Variants in EEPD1 observed in about 807,000 individuals in gnomAD.
EEPD1 encodes the protein endonuclease/exonuclease/phosphatase family domain-containing protein 1.
A neutral mutation model predicts 46.3 loss-of-function variants in EEPD1; 17 were observed. That is an observed-to-expected ratio of 0.37 (90% CI 0.25 to 0.55). The LOEUF (loss-of-function observed/expected upper bound fraction) is 0.55, where lower values mean the gene tolerates loss of function less well. Among genes scored for constraint, EEPD1 ranks in the 20% least tolerant of loss-of-function variants. The pLI is 0.83. For synonymous variants in EEPD1, 313 were observed against 315.6 expected (o/e 0.99, Z 0.09); for missense variants, 673 against 745.6 (o/e 0.90, Z 1.13).
intron 3 of EEPD1, among the ~76,000 whole-genome samples, chr7:36,265,417 G>A (rs1393469387): frequency 6.6e-6 from 1 of 152,212 alleles, no homozygotes; most frequent in Non-Finnish European, 1.5e-5. Context: ...CTAGTCTTCA[G>A]TGTTTACAGA....
At chr7:36,206,043 C>T (rs1207326162) in intron 2 of EEPD1, among the ~76,000 whole-genome samples, 2 of 152,224 alleles carry the variant, frequency 1.3e-5, no homozygotes, top group Non-Finnish European at 2.9e-5. Context: ...ATGTAGGCCA[C>T]TGCCCCATGC....
intron 1 of EEPD1, among the ~76,000 whole-genome samples, 192 bp from the exon 2 acceptor site, chr7:36,153,941 C>T (rs1784768372): frequency 6.6e-6 from 1 of 152,072 alleles, no homozygotes; most frequent in Admixed American, 6.5e-5. Flanking sequence ...TTTTGGACTC[C>T]AGTGTGATAA....
chr7:36,300,935 A>G lies in EEPD1; in HGVS notation c.*1729A>G, dbSNP rs1172313331. 6.6e-6 allele frequency: 1 copy of G among 152,282 alleles called. No homozygotes were observed. 9.4% of individuals were successfully genotyped at this position (152,282 alleles called of 1,614,324 possible). The stretch of plus-strand genomic sequence containing the variant: ...CTTGAGGAAAAGCAGCAGGGTTAGC[A>G]TTAAAGTCAAGAGGGGCAGCTCAGG... On this transcript the variant is annotated 3_prime_UTR_variant, in exon 8 of 8. Coordinates refer to ENST00000242108, the MANE Select transcript of EEPD1 (RefSeq NM_030636.3).
chr7:36,156,332 G>A (rs1784824533), intron 2 of EEPD1, among the ~76,000 whole-genome samples: 2 of 152,074 alleles, frequency 1.3e-5, no homozygotes, highest in African/African-American at 4.8e-5. Flanking sequence ...ACTGAGAGAG[G>A]GACTCCACAC....
At chr7:36,248,881 C>T (rs1786685208) in intron 3 of EEPD1, among the ~76,000 whole-genome samples, 1 of 152,008 alleles carries the variant, frequency 6.6e-6, no homozygotes, top group African/African-American at 2.4e-5. Context: ...CTGCAGCCAC[C>T]ACAGCTGCCA....
At chr7:36,283,997 A>G (rs1432108076) in intron 4 of EEPD1, among the ~76,000 whole-genome samples, 4 of 152,232 alleles carry the variant, frequency 2.6e-5, no homozygotes, top group Non-Finnish European at 4.4e-5. Context: ...TGGCGGCGGC[A>G]GCAGCGCAAA....
intron 2 of EEPD1, among the ~76,000 whole-genome samples, chr7:36,206,286 A>G (rs1460254607): frequency 6.6e-6 from 1 of 152,196 alleles, no homozygotes; most frequent in Non-Finnish European, 1.5e-5. Context: ...TGAGCCACAT[A>G]TGCAATTTTA....
chr7:36,273,446 AT>A (rs1235289706), intron 3 of EEPD1, among the ~76,000 whole-genome samples: 3 of 151,900 alleles, frequency 2.0e-5, no homozygotes, highest in African/African-American at 7.3e-5. Context: ...TCTTCTTACC[AT>A]TGTTGGATTT....
rs1472084382 is a variant in EEPD1, at chr7:36,228,662, A to G, written c.879-10323A>G. 4 of 152,352 alleles carry G rather than the reference A, an allele frequency of 2.6e-5. No homozygotes were observed. In the East Asian group the frequency reaches 7.7e-4, roughly 29 times the overall value. The allele number at this position is 152,352 out of a possible 1,614,324, so 9.4% of individuals were successfully genotyped here. Reference sequence around the variant, plus strand: ...AGTTGTGTTTGATTAAGTCCTCCTCAACCACCTACAATAATGGATAGGATT... The same window carrying G: ...AGTTGTGTTTGATTAAGTCCTCCTCGACCACCTACAATAATGGATAGGATT... On this transcript the variant is annotated intron_variant, in intron 2 of 7. Transcript: ENST00000242108.
intron 2 of EEPD1, among the ~76,000 whole-genome samples, chr7:36,173,477 G>A (rs1178365867): frequency 5.9e-5 from 9 of 151,416 alleles, no homozygotes; most frequent in Middle Eastern, 3.4e-3. Context: ...TCAGCCTGGC[G>A]ACAGAGTGAG....
At chr7:36,241,473 A>G (rs111948313) in intron 3 of EEPD1, among the ~76,000 whole-genome samples, 18,728 of 152,052 alleles carry the variant, frequency 0.12, 1,555 homozygotes, top group Non-Finnish European at 0.18. Context: ...ACTCTGTCTC[A>G]AAATAAATAA....
At chr7:36,220,359 A>G (rs561183930) in intron 2 of EEPD1, among the ~76,000 whole-genome samples, 2 of 152,182 alleles carry the variant, frequency 1.3e-5, no homozygotes, top group African/African-American at 2.4e-5. Context: ...GAAGTCCCCA[A>G]TTCACTTGGG....
rs760448582 is a variant in EEPD1 at position 36,155,129 on chromosome 7, C to G, written c.805C>G (p.Gln269Glu). ...PVLRLATWNL[Q>E]GCSVEKANNP... is the part of the protein sequence containing the mutation. Reference sequence around the variant, plus strand: ...GCTGAGGCTGGCCACCTGGAACTTGCAGGGCTGTTCCGTGGAGAAGGCCAA... The same window carrying G: ...GCTGAGGCTGGCCACCTGGAACTTGGAGGGCTGTTCCGTGGAGAAGGCCAA... The change falls in exon 2 of 8, where the codon CAG becomes GAG. Residue 269 changes from glutamine to glutamate, a missense_variant. Coordinates refer to ENST00000242108, the MANE Select transcript of EEPD1 (RefSeq NM_030636.3). 1.3e-6 allele frequency: 2 copies of G among 1,542,940 alleles called. No homozygotes were observed. The highest frequency in any genetic ancestry group is 4.5e-5 in the East Asian group (2 of 44,308).
At chr7:36,249,006 C>CACACACACAA (rs1786688328) in intron 3 of EEPD1, among the ~76,000 whole-genome samples, 1 of 150,752 alleles carries the variant, frequency 6.6e-6, no homozygotes, top group Non-Finnish European at 1.5e-5. Context: ...CACACACACA[C>CACACACACAA]ACACACACAC....
chr7:36,215,297 A>G (rs1291340562), intron 2 of EEPD1, among the ~76,000 whole-genome samples: 1 of 152,056 alleles, frequency 6.6e-6, no homozygotes, highest in Non-Finnish European at 1.5e-5. Flanking sequence ...CCCTAAATGC[A>G]CCCTCCTGTT....
chr7:36,153,722 C>T (rs1784764806), intron 1 of EEPD1, 48 bp downstream of exon 1: 1 of 152,694 alleles, frequency 6.5e-6, no homozygotes, highest in Non-Finnish European at 1.5e-5. Context: ...TCGATAAGCC[C>T]CTTCTCAGTG....
chr7:36,231,565 C>T (rs572627735), intron 2 of EEPD1, among the ~76,000 whole-genome samples: 1 of 152,244 alleles, frequency 6.6e-6, no homozygotes, highest in South Asian at 2.1e-4. Context: ...AGGAAGACAC[C>T]TCTCTCTTCC....
intron 3 of EEPD1, among the ~76,000 whole-genome samples, chr7:36,276,024 C>T (rs1124802): frequency 0.56 from 84,361 of 151,984 alleles, 23,740 homozygotes; most frequent in South Asian, 0.59. Context: ...TTGTACATCT[C>T]GTAGATTGGA....
intron 2 of EEPD1, among the ~76,000 whole-genome samples, chr7:36,192,020 C>T (rs998689140): frequency 6.6e-5 from 10 of 152,130 alleles, no homozygotes; most frequent in Admixed American, 2.6e-4. Context: ...AGACTCTTTC[C>T]GCGTTGTCGA....
Sources: allele counts gnomAD v4.1 joint callset (sites outside exome capture counted in the v4.1 genomes callset), GRCh38; gene constraint gnomAD v4.1.1; transcripts MANE v1.5; gene names NCBI Gene and HGNC (gene_info 2026-07-23, HGNC 2026-07-21).